Variants in DOCK3 observed in about 807,000 individuals in gnomAD.
The protein encoded by DOCK3 is dedicator of cytokinesis protein 3.
In DOCK3, 60 loss-of-function variants were observed where a neutral mutation model predicts 265.6. That is an observed-to-expected ratio of 0.23 (90% CI 0.18 to 0.28). DOCK3 has a LOEUF of 0.28. DOCK3 is among the 10% of genes least tolerant of loss of function. The pLI is 1.00. For synonymous variants in DOCK3, 881 were observed against 938.0 expected (o/e 0.94, Z 1.11); for missense variants, 1,981 against 2,594.3 (o/e 0.76, Z 5.14).
At chr3:51,336,533 G>A (rs549119217) in intron 35 of DOCK3, among the ~76,000 whole-genome samples, 10 of 152,244 alleles carry the variant, frequency 6.6e-5, no homozygotes, top group South Asian at 2.1e-4. Flanking sequence ...CAGGTGAGCC[G>A]GATGCTTCAG....
chr3:51,114,311 C>T (rs1041673285), intron 9 of DOCK3, among the ~76,000 whole-genome samples: 28 of 152,052 alleles, frequency 1.8e-4, no homozygotes, highest in Admixed American at 1.2e-3. Flanking sequence ...AGCAGTCAGA[C>T]GGGAGAATCA....
At chr3:51,136,599 G>A (rs1576201445) in intron 9 of DOCK3, among the ~76,000 whole-genome samples, 2 of 152,156 alleles carry the variant, frequency 1.3e-5, no homozygotes, top group Non-Finnish European at 2.9e-5. Flanking sequence ...TGTGGTTTAT[G>A]TGTGTCTCTG....
chr3:51,078,875 A>G (rs2082136736), intron 7 of DOCK3, among the ~76,000 whole-genome samples: 1 of 152,154 alleles, frequency 6.6e-6, no homozygotes, highest in South Asian at 2.1e-4. Flanking sequence ...TTCTGACACA[A>G]TGAAAGCCCT....
chr3:51,187,883 A>T (rs1039761382), intron 12 of DOCK3, among the ~76,000 whole-genome samples: 1 of 151,782 alleles, frequency 6.6e-6, no homozygotes, highest in Non-Finnish European at 1.5e-5. Context: ...TTCTTTTGTA[A>T]ATTGCCCAGT....
intron 5 of DOCK3, among the ~76,000 whole-genome samples, chr3:50,962,677 T>C (rs781621136): frequency 6.6e-6 from 1 of 151,858 alleles, no homozygotes; most frequent in Non-Finnish European, 1.5e-5. Flanking sequence ...CAGTGAGACC[T>C]GTAGCTTAGA....
Position 50,778,696 on chromosome 3 carries a change from C to A in DOCK3, c.59C>A (p.Ser20Tyr). ...CTAGTGATATGCAGCTTTCGAGGAT[C>A]TGTCCCTCAAGGGTTGGTCTTAGAA... is the stretch of plus-strand genomic sequence containing the variant. ...YGVVICSFRG[S>Y]VPQGLVLEIG... is the part of the protein sequence containing the mutation. The change falls in exon 2 of 53, where the codon TCT becomes TAT. Residue 20 changes from serine (S) to tyrosine (Y), a missense_variant. By Grantham distance (144) the Ser-to-Tyr change is moderately radical. Around this residue, in one of 4 missense-constraint regions of DOCK3, gnomAD observed 456 missense variants for 539.0 expected, o/e 0.85. Coordinates refer to ENST00000266037, the MANE Select transcript of DOCK3 (RefSeq NM_004947.5). 6.3e-7 allele frequency: 1 copy of A among 1,587,986 alleles called. No homozygotes were observed. The highest frequency in any genetic ancestry group is 8.6e-7 in the Non-Finnish European group (1 of 1,166,136).
chr3:51,021,913 G>A (rs936986470), intron 5 of DOCK3, among the ~76,000 whole-genome samples: 4 of 151,914 alleles, frequency 2.6e-5, no homozygotes, highest in Middle Eastern at 3.4e-3. Flanking sequence ...TGCCTGCCTC[G>A]GCCTCCCTAA....
At chr3:50,688,130 C>T (rs1027115797) in intron 1 of DOCK3, among the ~76,000 whole-genome samples, 4 of 152,202 alleles carry the variant, frequency 2.6e-5, no homozygotes, top group Non-Finnish European at 5.9e-5. Context: ...CAGCAGCAGG[C>T]AGGATCAACT....
At chr3:51,017,714 A>C (rs1018190027) in intron 5 of DOCK3, among the ~76,000 whole-genome samples, 2 of 151,672 alleles carry the variant, frequency 1.3e-5, no homozygotes, top group Admixed American at 1.3e-4. Context: ...TTGTGGTTAG[A>C]GAGGATACTT....
intron 13 of DOCK3, among the ~76,000 whole-genome samples, chr3:51,211,854 A>G (rs1284063372): frequency 6.6e-6 from 1 of 152,242 alleles, no homozygotes; most frequent in Non-Finnish European, 1.5e-5. Flanking sequence ...AGCATGATTT[A>G]TAATCCTTTG....
chr3:51,192,746 G>A (rs976222564), intron 12 of DOCK3, among the ~76,000 whole-genome samples: 3 of 152,080 alleles, frequency 2.0e-5, no homozygotes, highest in Non-Finnish European at 2.9e-5. Flanking sequence ...TGGGAAGTGT[G>A]CAGTAGCTAC....
intron 1 of DOCK3, among the ~76,000 whole-genome samples, chr3:50,751,102 A>G (rs575804423): frequency 3.9e-5 from 6 of 152,356 alleles, no homozygotes; most frequent in Admixed American, 1.3e-4. Context: ...GAAAAAGGGC[A>G]TAAGTATGTA....
At chr3:51,287,176 G>A (rs1363861575) in intron 27 of DOCK3, among the ~76,000 whole-genome samples, 1 of 152,082 alleles carries the variant, frequency 6.6e-6, no homozygotes, top group Non-Finnish European at 1.5e-5. Flanking sequence ...TTTCAAAAGA[G>A]GACATACAGC....
chr3:51,210,275 A>C (rs1031861313), intron 13 of DOCK3, among the ~76,000 whole-genome samples: 1 of 152,066 alleles, frequency 6.6e-6, no homozygotes, highest in Non-Finnish European at 1.5e-5. Flanking sequence ...TCTGTGTCTG[A>C]TTTTTGTCTA....
chr3:51,150,390 G>T (rs1258137650), intron 10 of DOCK3, among the ~76,000 whole-genome samples: 1 of 152,072 alleles, frequency 6.6e-6, no homozygotes, highest in Non-Finnish European at 1.5e-5. Flanking sequence ...TTTTAAATGT[G>T]TTTGCTCTTG....
chr3:51,185,574 G>A (rs529438637), intron 12 of DOCK3, among the ~76,000 whole-genome samples: 1 of 152,258 alleles, frequency 6.6e-6, no homozygotes, highest in Admixed American at 6.5e-5. Context: ...CTAAGTGTCA[G>A]CTAACTGCAT....
At chr3:50,995,523 T>TA (rs981323914) in intron 5 of DOCK3, among the ~76,000 whole-genome samples, 1 of 152,046 alleles carries the variant, frequency 6.6e-6, no homozygotes, top group Non-Finnish European at 1.5e-5. Flanking sequence ...AATGCACATA[T>TA]AAAATATGGT....
intron 4 of DOCK3, among the ~76,000 whole-genome samples, chr3:50,907,966 G>A (rs1414152374): frequency 6.6e-6 from 1 of 151,962 alleles, no homozygotes; most frequent in African/African-American, 2.4e-5. Context: ...TATGCATCCA[G>A]TCATTTATTC....
intron 5 of DOCK3, among the ~76,000 whole-genome samples, chr3:50,945,724 C>A (rs889097034): frequency 6.6e-6 from 1 of 152,100 alleles, no homozygotes; most frequent in African/African-American, 2.4e-5. Flanking sequence ...TAAGAACATA[C>A]ATTTTTGCAC....
Sources: gnomAD v4.1 joint callset for allele counts (sites outside exome capture counted in the v4.1 genomes callset) on GRCh38, gnomAD v4.1.1 for gene constraint, gnomAD v4.1.1 regional missense constraint, MANE v1.5 for transcripts, NCBI Gene and HGNC (gene_info 2026-07-23, HGNC 2026-07-21) for gene names.